Variants in FAM222A observed in about 807,000 individuals in gnomAD.
FAM222A encodes the protein family with sequence similarity 222 member A, also known as protein FAM222A.
A neutral mutation model predicts 25.8 loss-of-function variants in FAM222A; 7 were observed. The observed-to-expected ratio is 0.27, with a 90% CI of 0.15 to 0.51. FAM222A has a LOEUF of 0.51. Ranked by LOEUF, FAM222A falls within the 20% of genes least tolerant of loss-of-function variation. FAM222A has a pLI of 0.97. For missense variants in FAM222A, 573 were observed against 640.5 expected, an observed-to-expected ratio of 0.89 and a Z score of 1.14; for synonymous variants, 294 against 298.8, an observed-to-expected ratio of 0.98 and a Z score of 0.17.
chr12:109,717,352 A>G (rs1887663985), intron 1 of FAM222A, among the ~76,000 whole-genome samples: 2 of 152,130 alleles, frequency 1.3e-5, no homozygotes, highest in African/African-American at 4.8e-5. Flanking sequence ...GCTTGCTTGG[A>G]GGGAGGCGGT....
chr12:109,731,577 C>T (rs969563894), intron 1 of FAM222A, among the ~76,000 whole-genome samples: 1 of 152,162 alleles, frequency 6.6e-6, no homozygotes, highest in Admixed American at 6.6e-5. Flanking sequence ...ATGAAGCCAC[C>T]CCCTGCCCAG....
chr12:109,767,062 C>CTTTTTTT (rs757766627), intron 2 of FAM222A, among the ~76,000 whole-genome samples: 10 of 93,078 alleles, frequency 1.1e-4, no homozygotes, highest in Non-Finnish European at 1.6e-4. Context: ...TGCTTGGCTT[C>CTTTTTTT]TTTTTTTTTT....
chr12:109,750,898 C>T (rs1195391610), intron 2 of FAM222A, among the ~76,000 whole-genome samples: 6 of 151,462 alleles, frequency 4.0e-5, no homozygotes, highest in Non-Finnish European at 8.8e-5. Context: ...TTTCCCCCAT[C>T]TATTTGATTT....
chr12:109,725,920 G>A (rs75921589), intron 1 of FAM222A, among the ~76,000 whole-genome samples: 2,570 of 151,930 alleles, frequency 0.017, 91 homozygotes, highest in African/African-American at 0.059. Context: ...GGTGCGCGCC[G>A]GCTTAATTAC....
At chr12:109,725,244 A>G (rs1887817559) in intron 1 of FAM222A, among the ~76,000 whole-genome samples, 1 of 152,128 alleles carries the variant, frequency 6.6e-6, no homozygotes, top group Non-Finnish European at 1.5e-5. Flanking sequence ...TTACAGATAT[A>G]CTGTGTGCTG....
intron 1 of FAM222A, among the ~76,000 whole-genome samples, chr12:109,726,214 C>G (rs1887841455): frequency 6.6e-6 from 1 of 152,044 alleles, no homozygotes; most frequent in African/African-American, 2.4e-5. Context: ...GTTCCCTCTC[C>G]TAGAATAGCT....
intron 2 of FAM222A, among the ~76,000 whole-genome samples, chr12:109,746,779 C>T (rs1454775563): frequency 6.6e-6 from 1 of 152,178 alleles, no homozygotes; most frequent in Non-Finnish European, 1.5e-5. Context: ...CAGCAGTCAC[C>T]TCATCTCTCC....
chr12:109,719,414 CG>C (rs371297090), intron 1 of FAM222A, among the ~76,000 whole-genome samples: 63 of 152,274 alleles, frequency 4.1e-4, no homozygotes, highest in Middle Eastern at 6.8e-3. Flanking sequence ...TGGTTCCATT[CG>C]GTAAAACCAG....
At position 109,770,195 on chromosome 12, in the gene FAM222A, T is replaced by C. The variant is rs1889204892; in HGVS notation, c.*907T>C. ...GGATCTCTTGGGACCCTCCTGGTTT[T>C]AACTGGGAGGCCCAGACCAACTCCT... On this transcript the variant is annotated 3_prime_UTR_variant, in exon 3 of 3. Coordinates refer to ENST00000538780, the MANE Select transcript of FAM222A (RefSeq NM_032829.3). 6.6e-6 allele frequency: 1 copy of C among 152,502 alleles called. No homozygotes were observed. The highest frequency in any genetic ancestry group is 6.5e-5 in the Admixed American group (1 of 15,286). The allele number at this position is 152,502 out of a possible 1,614,324, so 9.4% of individuals were successfully genotyped here. A position where few individuals can be genotyped will look rare whatever the true frequency, so the allele number is the denominator to read the frequency against.
intron 1 of FAM222A, among the ~76,000 whole-genome samples, chr12:109,736,229 C>A (rs1032484148): frequency 2.0e-5 from 3 of 152,238 alleles, no homozygotes; most frequent in African/African-American, 7.2e-5. Flanking sequence ...TCTCTCAAGT[C>A]TCCATGTGGT....
chr12:109,765,535 A>G (rs1293256670), intron 2 of FAM222A, among the ~76,000 whole-genome samples: 1 of 152,162 alleles, frequency 6.6e-6, no homozygotes, highest in African/African-American at 2.4e-5. Context: ...TCTGCCTGAA[A>G]TCTGTTTCTC....
intron 2 of FAM222A, among the ~76,000 whole-genome samples, chr12:109,755,377 AT>A (rs1266453516): frequency 7.3e-6 from 1 of 137,872 alleles, no homozygotes; most frequent in Admixed American, 7.9e-5. Flanking sequence ...TAATGGCGCA[AT>A]CTCGGCTCAC....
chr12:109,744,685 G>T, intron 2 of FAM222A: 4 of 985,428 alleles, frequency 4.1e-6, no homozygotes, highest in Non-Finnish European at 4.8e-6. Flanking sequence ...CCTAGACCTG[G>T]TGACCAGGGG....
At position 109,768,496 on chromosome 12, in the gene FAM222A, G is replaced by A. The variant is rs1279767138; in HGVS notation, c.567G>A (p.Leu189=). The A allele has an allele frequency of 6.2e-7, 1 of 1,605,010 alleles. No homozygotes were observed. Among genetic ancestry groups the A allele is most frequent in the Admixed American group, 1.7e-5 (1 of 59,894 alleles). Residue 189 remains leucine (L), a synonymous_variant, in exon 3 of 3, where the codon CTG becomes CTA. Coordinates refer to ENST00000538780, the MANE Select transcript of FAM222A (RefSeq NM_032829.3). ...TCATCCCCCTGCCGGGCCGGGGCCTGCCCCTGCCACCTTCCAACCTGCCCT... is the reference window on the plus strand; with the variant it reads ...TCATCCCCCTGCCGGGCCGGGGCCTACCCCTGCCACCTTCCAACCTGCCCT... The part of the protein sequence containing the change: ...ASVIPLPGRG[L]PLPPSNLPSI...
At chr12:109,741,705 G>A (rs1888244452) in intron 1 of FAM222A, among the ~76,000 whole-genome samples, 1 of 152,228 alleles carries the variant, frequency 6.6e-6, no homozygotes, top group African/African-American at 2.4e-5. Flanking sequence ...TGACCTGGAG[G>A]TACCCACAGG....
At chr12:109,720,788 G>A (rs1887733155) in intron 1 of FAM222A, among the ~76,000 whole-genome samples, 1 of 152,222 alleles carries the variant, frequency 6.6e-6, no homozygotes, top group African/African-American at 2.4e-5. Flanking sequence ...CACCCCCTCA[G>A]CCACCCAACA....
chr12:109,751,574 T>C (rs1174793312), intron 2 of FAM222A, among the ~76,000 whole-genome samples: 2 of 152,200 alleles, frequency 1.3e-5, no homozygotes, highest in East Asian at 1.9e-4. Context: ...TAACTAAAAA[T>C]TTCCATACAA....
intron 1 of FAM222A, among the ~76,000 whole-genome samples, chr12:109,721,874 C>T (rs1041721264): frequency 6.6e-6 from 1 of 152,152 alleles, no homozygotes; most frequent in African/African-American, 2.4e-5. Context: ...AGAACACCTG[C>T]AGCAAGCCTC....
chr12:109,757,573 C>A (rs1888768960), intron 2 of FAM222A, among the ~76,000 whole-genome samples: 2 of 152,146 alleles, frequency 1.3e-5, no homozygotes, highest in African/African-American at 4.8e-5. Context: ...CCATATCATT[C>A]TTCGAAGAAA....
Sources: allele counts gnomAD v4.1 joint callset (sites outside exome capture counted in the v4.1 genomes callset), GRCh38; gene constraint gnomAD v4.1.1; transcripts MANE v1.5; gene names NCBI Gene and HGNC (gene_info 2026-07-23, HGNC 2026-07-21).